The following WDR7 variants were observed in gnomAD, a reference collection of about 807,000 sequenced individuals.
WDR7 encodes WD repeat domain 7.
WDR7 carries 46 observed loss-of-function variants against 169.4 expected under a neutral mutation model. That is an observed-to-expected ratio of 0.27 (90% CI 0.21 to 0.35). The LOEUF (loss-of-function observed/expected upper bound fraction) is 0.35, where lower values mean the gene tolerates loss of function less well. Among genes scored for constraint, WDR7 ranks in the 10% least tolerant of loss-of-function variants. The pLI is 1.00. For synonymous variants in WDR7, 612 were observed against 666.8 expected (o/e 0.92, Z 1.27); for missense variants, 1,534 against 1,859.3 (o/e 0.83, Z 3.22).
intron 21 of WDR7, among the ~76,000 whole-genome samples, chr18:56,911,627 G>A (rs545556795): frequency 2.6e-5 from 4 of 152,254 alleles, no homozygotes; most frequent in South Asian, 2.1e-4. Context: ...CTGTGTATGC[G>A]TAAAGGGTTA....
intron 1 of WDR7, 85 bp from the exon 2 acceptor site, chr18:56,672,412 C>G (rs1044453325): frequency 2.1e-6 from 2 of 946,244 alleles, no homozygotes; most frequent in Non-Finnish European, 2.7e-6. Context: ...TGATTATTTT[C>G]AAATTGTTGG....
chr18:56,691,480 C>G, intron 8 of WDR7, 119 bp downstream of exon 8: 1 of 1,187,412 alleles, frequency 8.4e-7, no homozygotes. Context: ...TAAAACACTT[C>G]AGAACTTCTT....
chr18:56,828,621 A>G (rs1255420143), intron 20 of WDR7, among the ~76,000 whole-genome samples: 1 of 152,214 alleles, frequency 6.6e-6, no homozygotes, highest in Non-Finnish European at 1.5e-5. Flanking sequence ...GATCTTCACC[A>G]TACTATCATT....
chr18:56,761,091 C>T (rs954955149), intron 16 of WDR7, among the ~76,000 whole-genome samples: 2 of 152,164 alleles, frequency 1.3e-5, no homozygotes, highest in African/African-American at 4.8e-5. Flanking sequence ...CTCACTGCAG[C>T]CTCCACCTGC....
intron 20 of WDR7, among the ~76,000 whole-genome samples, chr18:56,864,367 G>A (rs1381493979): frequency 3.3e-5 from 5 of 151,708 alleles, no homozygotes; most frequent in African/African-American, 1.2e-4. Context: ...AATTGAAAGT[G>A]ATGTTATAAA....
intron 18 of WDR7, among the ~76,000 whole-genome samples, chr18:56,780,348 G>A (rs1047895013): frequency 6.6e-5 from 10 of 152,078 alleles, no homozygotes; most frequent in African/African-American, 9.7e-5. Flanking sequence ...ATATAAGTAC[G>A]AGTAATATAA....
rs373279936 is a variant in WDR7, at chr18:56,888,967, T to A, written c.3526+8802T>A. On this transcript the variant is annotated intron_variant, in intron 21 of 27. Coordinates refer to ENST00000254442, the MANE Select transcript of WDR7 (RefSeq NM_015285.3). ...GGAACTCTGGAGCTGGGATGACCCT[T>A]CAGACTTGTCCTGAATTAGGGATCA... 5.9e-5 allele frequency among the ~76,000 whole-genome samples: 9 copies of A among 152,208 alleles called. No homozygotes were observed. The East Asian group carries it at 1.5e-3, about 26-fold the overall frequency.
Position 57,028,205 on chromosome 18 carries a change from A to G in WDR7, c.*998A>G, listed in dbSNP as rs1377308959. ...CCTTCAAACTACTACTGATCAACTA[A>G]AGGAAAGCTAATAAGGTATTTCTTT... On this transcript the variant is annotated 3_prime_UTR_variant, in exon 28 of 28. Transcript: ENST00000254442. 1.3e-5 allele frequency: 2 copies of G among 152,194 alleles called. No individual in the cohort carries two copies. Among genetic ancestry groups the G allele is most frequent in the African/African-American group, 2.4e-5 (1 of 41,446 alleles). The allele number at this position is 152,194 out of a possible 1,614,324, so 9.4% of individuals were successfully genotyped here.
chr18:56,996,699 T>C (rs1297256331), intron 26 of WDR7, among the ~76,000 whole-genome samples: 3 of 152,200 alleles, frequency 2.0e-5, no homozygotes. Context: ...CCCAGAATTA[T>C]TAGGAAGTGG....
chr18:57,032,801 T>TTATTTTTATA (rs1210749361), downstream of WDR7: 133 of 106,116 alleles, frequency 1.3e-3, no homozygotes, highest in African/African-American at 4.2e-3. Flanking sequence ...TATAATTATT[T>TTATTTTTATA]TATATATATA....
chr18:56,738,497 G>T (rs1283102028), intron 14 of WDR7, among the ~76,000 whole-genome samples: 1 of 152,172 alleles, frequency 6.6e-6, no homozygotes, highest in Non-Finnish European at 1.5e-5. Flanking sequence ...GGTTGAGGCT[G>T]CATTGAGCTG....
chr18:56,750,313 C>G (rs995453363), intron 14 of WDR7, among the ~76,000 whole-genome samples: 1 of 152,106 alleles, frequency 6.6e-6, no homozygotes, highest in African/African-American at 2.4e-5. Context: ...CTGAAAATGT[C>G]AAATATGTCT....
chr18:56,959,110 G>T (rs1343751162), intron 25 of WDR7, among the ~76,000 whole-genome samples: 1 of 152,054 alleles, frequency 6.6e-6, no homozygotes, highest in Non-Finnish European at 1.5e-5. Context: ...GATAACTTTG[G>T]AACAGAGATG....
intron 20 of WDR7, among the ~76,000 whole-genome samples, chr18:56,865,176 A>G (rs2045865758): frequency 6.6e-6 from 1 of 152,058 alleles, no homozygotes; most frequent in Non-Finnish European, 1.5e-5. Context: ...TGGATGCTGA[A>G]CAAGTTTAGG....
At chr18:56,786,940 C>A (rs934621235) in intron 19 of WDR7, among the ~76,000 whole-genome samples, 2 of 151,282 alleles carry the variant, frequency 1.3e-5, no homozygotes, top group Admixed American at 1.3e-4. Flanking sequence ...GTGGCAAAAA[C>A]CACAATTACT....
In WDR7 at chr18:56,756,529, G is replaced by A. The variant is rs2043892098; in HGVS notation, c.1990-54G>A. ...GATTATTTATTGTTTATTAATGAATGTATGAAATTAAGCACTTTTAATTAT... is the reference window on the plus strand; with the variant it reads ...GATTATTTATTGTTTATTAATGAATATATGAAATTAAGCACTTTTAATTAT... On this transcript the variant is annotated intron_variant, in intron 14 of 27. Transcript: ENST00000254442. The A allele has an allele frequency of 8.1e-6, 11 of 1,353,244 alleles. No homozygotes were observed. In the Admixed American group the frequency reaches 1.2e-4, roughly 15 times the overall value. 83.8% of individuals were successfully genotyped at this position (1,353,244 alleles called of 1,614,324 possible). A position where few individuals can be genotyped will look rare whatever the true frequency, so the allele number is the denominator to read the frequency against.
chr18:56,887,836 G>T (rs1255356838), intron 21 of WDR7, among the ~76,000 whole-genome samples: 1 of 152,044 alleles, frequency 6.6e-6, no homozygotes, highest in Non-Finnish European at 1.5e-5. Context: ...ATGACCCTCT[G>T]TCTTACGTGT....
intron 22 of WDR7, among the ~76,000 whole-genome samples, chr18:56,928,440 G>A (rs1407101973): frequency 6.6e-6 from 1 of 152,204 alleles, no homozygotes; most frequent in Non-Finnish European, 1.5e-5. Flanking sequence ...TCTACAGCCT[G>A]GGTGACAGAA....
At chr18:56,972,699 A>G (rs1292311585) in intron 26 of WDR7, among the ~76,000 whole-genome samples, 1 of 152,210 alleles carries the variant, frequency 6.6e-6, no homozygotes. Context: ...CTAGGTAGAG[A>G]AACAGATATC....
Sources: allele counts gnomAD v4.1 joint callset (sites outside exome capture counted in the v4.1 genomes callset), GRCh38; gene constraint gnomAD v4.1.1; transcripts MANE v1.5; gene names NCBI Gene and HGNC (gene_info 2026-07-23, HGNC 2026-07-21).